The following PCDHGA3 variants were observed in gnomAD, a reference collection of about 807,000 sequenced individuals.
PCDHGA3 encodes the protein protocadherin gamma subfamily A, 3.
Under a neutral mutation model 58.5 loss-of-function variants are expected in PCDHGA3, and 40 were observed. The observed-to-expected ratio is 0.68, with a 90% CI of 0.53 to 0.89. The LOEUF is 0.89. Ranked by LOEUF, PCDHGA3 falls within the 40% of genes least tolerant of loss-of-function variation. The pLI is 0.00. For synonymous variants in PCDHGA3, 530 were observed against 525.7 expected, an observed-to-expected ratio of 1.01 and a Z score of -0.11; for missense variants, 1,223 against 1,195.9, an observed-to-expected ratio of 1.02 and a Z score of -0.33.
At chr5:141,389,438 C>G in intron 1 of PCDHGA3, 1 of 1,610,592 alleles carries the variant, frequency 6.2e-7, no homozygotes, top group East Asian at 2.2e-5. Context: ...AGCGCGCCTT[C>G]GACCACGAGC....
rs1562142740 is a variant in PCDHGA3, at chr5:141,490,958, ACT to A, written c.2425-3847_2425-3846del. 1 of 1,613,728 alleles carries A rather than the reference ACT, an allele frequency of 6.2e-7. No homozygotes were observed. Among genetic ancestry groups the A allele is most frequent in the Non-Finnish European group, 8.5e-7 (1 of 1,179,830 alleles). On this transcript the variant is annotated intron_variant, in intron 1 of 3. Transcript: ENST00000253812. The surrounding 1 kb of genome is among the most constrained non-coding windows in gnomAD (Gnocchi z 5.4). Reference sequence around the variant, plus strand: ...CTGCACCCACGGCCAGACTGGGAACACTCAGCCCCCCAGCGTCTCCCTCGCTC... The same window carrying A: ...CTGCACCCACGGCCAGACTGGGAACACAGCCCCCCAGCGTCTCCCTCGCTC...
intron 1 of PCDHGA3, among the ~76,000 whole-genome samples, chr5:141,456,679 T>C (rs1357662868): frequency 2.0e-5 from 3 of 152,104 alleles, no homozygotes; most frequent in Non-Finnish European, 2.9e-5. Flanking sequence ...AAAAATGCAT[T>C]ACTGGCCAGG....
In PCDHGA3 at chr5:141,486,403, T is replaced by C; in HGVS notation, c.2425-8404T>C. ...GGAACCAGTTCTCCCTGGTGACTGC[T>C]GGACCCTTGGATCGAGAGGCCAAAT... On this transcript the variant is annotated intron_variant, in intron 1 of 3. Coordinates refer to ENST00000253812, the MANE Select transcript of PCDHGA3 (RefSeq NM_018916.4). This position sits in a 1 kb window ranked among gnomAD's most constrained non-coding sequence, Gnocchi z 5.0. The C allele has an allele frequency of 6.2e-7, 1 of 1,614,212 alleles. No individual in the cohort carries two copies. Among genetic ancestry groups the C allele is most frequent in the Non-Finnish European group, 8.5e-7 (1 of 1,180,034 alleles).
intron 1 of PCDHGA3, chr5:141,478,480 G>T: frequency 2.5e-6 from 4 of 1,613,564 alleles, no homozygotes; most frequent in Non-Finnish European, 3.4e-6. Flanking sequence ...GCCAGAACAC[G>T]CTGCGGAGCT....
At chr5:141,350,902 C>T (rs749311481) in intron 1 of PCDHGA3, 2 of 1,612,812 alleles carry the variant, frequency 1.2e-6, no homozygotes, top group South Asian at 1.1e-5. Flanking sequence ...CCATGGATGG[C>T]GGGGACCCGC....
At chr5:141,355,190 G>A in intron 1 of PCDHGA3, 4 of 1,591,790 alleles carry the variant, frequency 2.5e-6, no homozygotes, top group East Asian at 2.2e-5. Context: ...CGACTCCGCG[G>A]CGGGGTTGTA....
chr5:141,429,476 A>T (rs1279691939), intron 1 of PCDHGA3, among the ~76,000 whole-genome samples: 1 of 152,112 alleles, frequency 6.6e-6, no homozygotes, highest in Non-Finnish European at 1.5e-5. Flanking sequence ...CAATCTCCAG[A>T]GTAGCTGAGA....
At chr5:141,448,415 T>C (rs1286455437) in intron 1 of PCDHGA3, among the ~76,000 whole-genome samples, 2 of 152,158 alleles carry the variant, frequency 1.3e-5, no homozygotes, top group African/African-American at 2.4e-5. Context: ...ATCAAAACAA[T>C]ATACTATGTA....
At chr5:141,421,089 T>A (rs1047424267) in intron 1 of PCDHGA3, 25 of 661,836 alleles carry the variant, frequency 3.8e-5, no homozygotes, top group Middle Eastern at 4.1e-4. Context: ...TCACAGATCC[T>A]GACACTGGAG....
At position 141,375,276 on chromosome 5, in the gene PCDHGA3, T is replaced by C. The variant is rs763492378; in HGVS notation, c.2424+28819T>C. On this transcript the variant is annotated intron_variant, in intron 1 of 3. Transcript: ENST00000253812. The stretch of plus-strand genomic sequence containing the variant: ...CTCCCATTTGAATTGGAAAAATCAG[T>C]TGGCAATTATTATCGATTAGTGACA... 10 of 1,613,700 alleles carry C rather than the reference T, an allele frequency of 6.2e-6. No homozygotes were observed. The Admixed American group carries it at 1.3e-4, about 22-fold the overall frequency.
Position 141,364,472 on chromosome 5 carries a change from A to G in PCDHGA3, c.2424+18015A>G, listed in dbSNP as rs375080558. On this transcript the variant is annotated intron_variant, in intron 1 of 3. Coordinates refer to ENST00000253812, the MANE Select transcript of PCDHGA3 (RefSeq NM_018916.4). ...GGACAAAGGCTCCTTCGTCGGCAAC[A>G]TAGCCAAGGACCTTGGGCTGGAGCC... is the stretch of plus-strand genomic sequence containing the variant. The G allele has an allele frequency of 5.6e-6, 9 of 1,614,038 alleles. No individual in the cohort carries two copies. Among genetic ancestry groups the G allele is most frequent in the South Asian group, 2.2e-5 (2 of 91,086 alleles).
rs753872678 is a variant in PCDHGA3, at chr5:141,431,407, C to G, written c.2425-63400C>G. 4 of 1,613,716 alleles carry G rather than the reference C, an allele frequency of 2.5e-6. No individual in the cohort carries two copies. Among genetic ancestry groups the G allele is most frequent in the Non-Finnish European group, 3.4e-6 (4 of 1,180,048 alleles). The stretch of plus-strand genomic sequence containing the variant: ...ACCACCTGGTCCTTACGGCCTCCGA[C>G]GGGGGCGACCCGGTGCGCACAGGCA... On this transcript the variant is annotated intron_variant, in intron 1 of 3. Coordinates refer to ENST00000253812, the MANE Select transcript of PCDHGA3 (RefSeq NM_018916.4). This position sits in a 1 kb window ranked among gnomAD's most constrained non-coding sequence, Gnocchi z 4.8.
In PCDHGA3 at chr5:141,395,537, A is replaced by ATTGTTTGT. The variant is rs1179408656; in HGVS notation, c.2424+49081_2424+49088dup. On this transcript the variant is annotated intron_variant, in intron 1 of 3. Coordinates refer to ENST00000253812, the MANE Select transcript of PCDHGA3 (RefSeq NM_018916.4). Reference sequence around the variant, plus strand: ...ACCCGTCCATACTGGTAATTTTGCTATTGTTTGTGTGTGTGTGTGTGTGTG... The same window carrying ATTGTTTGT: ...ACCCGTCCATACTGGTAATTTTGCTATTGTTTGTTTGTTTGTGTGTGTGTGTGTGTGTG... 12 of 243,932 alleles carry ATTGTTTGT rather than the reference A, an allele frequency of 4.9e-5. No individual in the cohort carries two copies. In the African/African-American group the frequency reaches 6.6e-4, roughly 13 times the overall value. 15.1% of individuals were successfully genotyped at this position (243,932 alleles called of 1,614,324 possible).
chr5:141,364,426 C>T (rs1763319753), intron 1 of PCDHGA3: 1 of 1,613,566 alleles, frequency 6.2e-7, no homozygotes. Flanking sequence ...GGCAGATCCG[C>T]TACTCGATGC....
intron 1 of PCDHGA3, chr5:141,352,602 C>T (rs759443418): frequency 6.2e-7 from 1 of 1,613,658 alleles, no homozygotes; most frequent in South Asian, 1.1e-5. Context: ...TGTGATGATC[C>T]TTCTATGGTT....
intron 1 of PCDHGA3, among the ~76,000 whole-genome samples, chr5:141,466,514 T>C (rs1276000407): frequency 6.6e-6 from 1 of 152,226 alleles, no homozygotes; most frequent in Non-Finnish European, 1.5e-5. Context: ...AAGATCATTT[T>C]TTTTCCTCCC....
chr5:141,439,697 A>T (rs2098127217), intron 1 of PCDHGA3, among the ~76,000 whole-genome samples: 1 of 152,218 alleles, frequency 6.6e-6, no homozygotes, highest in Non-Finnish European at 1.5e-5. Flanking sequence ...CAACATTCCT[A>T]TTATGGCTCC....
intron 1 of PCDHGA3, chr5:141,423,962 C>A: frequency 1.7e-6 from 2 of 1,168,402 alleles, no homozygotes; most frequent in South Asian, 4.2e-5. Context: ...TATTATTTTT[C>A]TATTATCAGT....
In PCDHGA3 at chr5:141,372,412, C is replaced by T. The variant is rs776836110; in HGVS notation, c.2424+25955C>T. On this transcript the variant is annotated intron_variant, in intron 1 of 3. Coordinates refer to ENST00000253812, the MANE Select transcript of PCDHGA3 (RefSeq NM_018916.4). ...GCAGATAGCTTGCAAGAGATACAAC[C>T]TGACCTTAGCGACCGCCCCACTCCC... is the stretch of plus-strand genomic sequence containing the variant. 3.7e-6 allele frequency: 6 copies of T among 1,613,964 alleles called. No homozygotes were observed. Among genetic ancestry groups the T allele is most frequent in the Non-Finnish European group, 5.1e-6 (6 of 1,179,912 alleles).
Sources: allele counts gnomAD v4.1 joint callset (sites outside exome capture counted in the v4.1 genomes callset), GRCh38; gene constraint gnomAD v4.1.1; non-coding constraint Gnocchi (gnomAD v3.1); transcripts MANE v1.5; gene names NCBI Gene and HGNC (gene_info 2026-07-23, HGNC 2026-07-21).